Variants in CSGALNACT1 observed in about 807,000 individuals in gnomAD.
The protein encoded by CSGALNACT1 is chondroitin sulfate N-acetylgalactosaminyltransferase 1.
Under a neutral mutation model 51.0 loss-of-function variants are expected in CSGALNACT1, and 52 were observed. That is an observed-to-expected ratio of 1.02 (90% CI 0.82 to 1.29). CSGALNACT1 has a LOEUF of 1.29. Ranked by LOEUF, CSGALNACT1 falls within the 50% of genes most tolerant of loss-of-function variation. The pLI, the probability that CSGALNACT1 is intolerant of heterozygous loss-of-function variation, is 0.00. For synonymous variants in CSGALNACT1, 341 were observed against 254.4 expected (o/e 1.34, Z -3.24); for missense variants, 935 against 679.2 (o/e 1.38, Z -4.19).
intron 1 of CSGALNACT1, among the ~76,000 whole-genome samples, chr8:19,611,314 T>G (rs1390129826): frequency 6.6e-6 from 1 of 152,218 alleles, no homozygotes; most frequent in African/African-American, 2.4e-5. Context: ...CCTTAAGATT[T>G]TTTTAAGGTA....
chr8:19,647,750 T>A (rs1244357245), intron 1 of CSGALNACT1, among the ~76,000 whole-genome samples: 2 of 152,202 alleles, frequency 1.3e-5, no homozygotes, highest in African/African-American at 4.8e-5. Context: ...TACAGGATAT[T>A]AGATGCTGAT....
intron 4 of CSGALNACT1, among the ~76,000 whole-genome samples, chr8:19,488,950 C>A (rs2073753058): frequency 6.6e-6 from 1 of 152,036 alleles, no homozygotes; most frequent in South Asian, 2.1e-4. Flanking sequence ...AACTCAGGAT[C>A]CTTGAAAATG....
chr8:19,460,618 G>C (rs947422844), intron 4 of CSGALNACT1, among the ~76,000 whole-genome samples: 1 of 152,192 alleles, frequency 6.6e-6, no homozygotes, highest in African/African-American at 2.4e-5. Flanking sequence ...TCTGACAAGT[G>C]ACACTGTGTG....
At chr8:19,643,096 T>C (rs1298852549) in intron 1 of CSGALNACT1, among the ~76,000 whole-genome samples, 1 of 152,016 alleles carries the variant, frequency 6.6e-6, no homozygotes, top group Admixed American at 6.6e-5. Context: ...AATTAATAAA[T>C]TGAATTAGTA....
chr8:19,513,887 C>T (rs77874407), intron 3 of CSGALNACT1, among the ~76,000 whole-genome samples: 2,275 of 152,222 alleles, frequency 0.015, 65 homozygotes, highest in African/African-American at 0.052. Flanking sequence ...ATTCGGTCCA[C>T]TGACAAAATG....
chr8:19,473,320 C>A (rs778276256), intron 4 of CSGALNACT1, among the ~76,000 whole-genome samples: 3 of 152,112 alleles, frequency 2.0e-5, no homozygotes, highest in Non-Finnish European at 2.9e-5. Context: ...AAATGATTAA[C>A]CCGAAAGCCC....
At chr8:19,498,422 G>C (rs1348318915) in intron 4 of CSGALNACT1, among the ~76,000 whole-genome samples, 1 of 152,226 alleles carries the variant, frequency 6.6e-6, no homozygotes, top group Non-Finnish European at 1.5e-5. Context: ...AGATGGGAGA[G>C]GCTGAGCAGC....
intron 4 of CSGALNACT1, among the ~76,000 whole-genome samples, chr8:19,475,711 CA>C (rs1162273462): frequency 1.3e-5 from 2 of 152,196 alleles, no homozygotes; most frequent in African/African-American, 4.8e-5. Flanking sequence ...CCAACAGGAA[CA>C]TCCTTTTTCA....
At chr8:19,625,220 C>T (rs897182610) in intron 1 of CSGALNACT1, among the ~76,000 whole-genome samples, 3 of 152,166 alleles carry the variant, frequency 2.0e-5, no homozygotes, top group African/African-American at 7.2e-5. Flanking sequence ...ACACATCACG[C>T]TGTTTCTTCC....
intron 4 of CSGALNACT1, among the ~76,000 whole-genome samples, chr8:19,470,235 T>C (rs1038170776): frequency 1.3e-5 from 2 of 152,016 alleles, no homozygotes; most frequent in African/African-American, 2.4e-5. Flanking sequence ...TAGAGAAAGC[T>C]TGGGGCAAGG....
At position 19,732,160 on chromosome 8, in the gene CSGALNACT1, T is replaced by C. The variant is rs187344155; in HGVS notation, c.-297+25690A>G. 4.7e-4 allele frequency among the ~76,000 whole-genome samples: 72 copies of C among 152,344 alleles called. 1 individual carries two copies. The highest frequency in any genetic ancestry group is 8.3e-4 in the South Asian group (4 of 4,826). On this transcript the variant is annotated intron_variant, in intron 1 of 1. Coordinates refer to the CSGALNACT1 transcript ENST00000517494. ...CCCTTTTTTCTAGAAATTAGTGTGCTTAAAACGGCACGTTATCAAATAAAC... is the reference window on the plus strand; with the variant it reads ...CCCTTTTTTCTAGAAATTAGTGTGCCTAAAACGGCACGTTATCAAATAAAC...
At chr8:19,475,783 G>A (rs970196784) in intron 4 of CSGALNACT1, among the ~76,000 whole-genome samples, 4 of 152,146 alleles carry the variant, frequency 2.6e-5, no homozygotes, top group Non-Finnish European at 4.4e-5. Flanking sequence ...CTGTGTTGTG[G>A]CAAGTCATAG....
intron 3 of CSGALNACT1, among the ~76,000 whole-genome samples, chr8:19,525,198 T>C (rs2081425313): frequency 6.6e-6 from 1 of 152,204 alleles, no homozygotes; most frequent in African/African-American, 2.4e-5. Flanking sequence ...GATGAAAAAC[T>C]AATGTCAATT....
At chr8:19,554,021 A>G (rs186495680) in intron 3 of CSGALNACT1, among the ~76,000 whole-genome samples, 11 of 152,246 alleles carry the variant, frequency 7.2e-5, no homozygotes, top group Non-Finnish European at 1.3e-4. Context: ...CAGTTTGTCC[A>G]TTGTTCAACA....
intron 1 of CSGALNACT1, among the ~76,000 whole-genome samples, chr8:19,645,270 G>C (rs1217183226): frequency 6.6e-6 from 1 of 152,344 alleles, no homozygotes; most frequent in Non-Finnish European, 1.5e-5. Context: ...TAGGCAGCAT[G>C]ATGCAACGGT....
intron 8 of CSGALNACT1, among the ~76,000 whole-genome samples, 188 bp from the exon 8 acceptor site, chr8:19,408,882 G>T (rs1025077243): frequency 6.0e-5 from 9 of 151,098 alleles, no homozygotes; most frequent in Admixed American, 2.0e-4. Context: ...ACACACACCA[G>T]TCCCAAAACA....
At chr8:19,616,999 A>C (rs2053121050) in intron 1 of CSGALNACT1, among the ~76,000 whole-genome samples, 1 of 152,240 alleles carries the variant, frequency 6.6e-6, no homozygotes, top group African/African-American at 2.4e-5. Context: ...ACATATAAGA[A>C]AATAATTACA....
At chr8:19,513,436 C>CTCTCTCTCTCTCTCTATATATATATATA in intron 3 of CSGALNACT1, among the ~76,000 whole-genome samples, 5 of 81,974 alleles carry the variant, frequency 6.1e-5, no homozygotes, top group Non-Finnish European at 1.3e-4. Flanking sequence ...CTCTCTCTCT[C>CTCTCTCTCTCTCTCTATATATATATATA]TATATATATA....
At chr8:19,634,684 G>C (rs1213942928) in intron 1 of CSGALNACT1, among the ~76,000 whole-genome samples, 1 of 152,062 alleles carries the variant, frequency 6.6e-6, no homozygotes. Context: ...AAAAAGATGA[G>C]ACAACAGAGC....
Sources: allele counts gnomAD v4.1 joint callset (sites outside exome capture counted in the v4.1 genomes callset), GRCh38; gene constraint gnomAD v4.1.1; transcripts MANE v1.5; gene names NCBI Gene and HGNC (gene_info 2026-07-23, HGNC 2026-07-21).